Variants in ATP13A2 observed in about 807,000 individuals in gnomAD.
ATP13A2 encodes polyamine-transporting ATPase 13A2.
Under a neutral mutation model 138.3 loss-of-function variants are expected in ATP13A2, and 83 were observed. The ratio of observed to expected loss-of-function variants is 0.60; its 90% CI spans 0.50 to 0.72. The LOEUF (loss-of-function observed/expected upper bound fraction) is 0.72, where lower values mean the gene tolerates loss of function less well. Among genes scored for constraint, ATP13A2 ranks in the 30% least tolerant of loss-of-function variants. The pLI, the probability that ATP13A2 is intolerant of heterozygous loss-of-function variation, is 0.00. For missense variants in ATP13A2, 1,402 were observed against 1,606.4 expected, an observed-to-expected ratio of 0.87 and a Z score of 2.17; for synonymous variants, 663 against 699.0, an observed-to-expected ratio of 0.95 and a Z score of 0.81.
At chr1:17,005,147 C>A (rs903067981) in intron 3 of ATP13A2, 75 bp from the exon 4 acceptor site, 1 of 1,592,458 alleles carries the variant, frequency 6.3e-7, no homozygotes, top group South Asian at 1.1e-5. Flanking sequence ...AGCCAGGCGG[C>A]CCCTGCTGGA....
chr1:17,002,090 C>A lies in ATP13A2; in HGVS notation c.649G>T (p.Gly217Cys). The A allele has an allele frequency of 6.2e-7, 1 of 1,613,700 alleles. No homozygotes were observed. Among genetic ancestry groups the A allele is most frequent in the Non-Finnish European group, 8.5e-7 (1 of 1,179,834 alleles). Reference protein sequence around the residue: ...QDQMVRKAIYGPNVISIPVKS... With the variant: ...QDQMVRKAIYCPNVISIPVKS... ...ACCGGTATGCTGATCACGTTGGGGC[C>A]GTAAATGGCCTTCCTGGAAGAGGGG... Residue 217 changes from glycine (G) to cysteine (C), a missense_variant, in exon 8 of 29, where the codon GGC (glycine) becomes TGC (cysteine). Gly to Cys is a radical substitution (Grantham distance 159, BLOSUM62 -3). Transcript: ENST00000326735.
intron 25 of ATP13A2, among the ~76,000 whole-genome samples, 184 bp from the exon 26 acceptor site, chr1:16,987,453 C>T (rs377436255): frequency 6.6e-6 from 1 of 152,208 alleles, no homozygotes; most frequent in African/African-American, 2.4e-5. Context: ...GTGAGACAAA[C>T]CCCTGGTCTG....
rs1256349716 is a variant in ATP13A2, at chr1:16,995,979, G to T, written c.1539C>A (p.Asp513Glu). Residue 513 changes from aspartate (D) to glutamate (E), a missense_variant, in exon 15 of 29, where the codon GAC becomes GAA. Coordinates refer to ENST00000326735, the MANE Select transcript of ATP13A2 (RefSeq NM_022089.4). This position sits in a 1 kb window ranked among gnomAD's most constrained non-coding sequence, Gnocchi z 4.1. The stretch of plus-strand genomic sequence containing the variant: ...CCAACCCCACCTGCGGCCCCACCTT[G>T]TCGAAACACACCAGCTGCAGCTTGC... ...LGGKLQLVCF[D>E]KTGTLTEDGL... 1 of 1,613,854 alleles carries T rather than the reference G, an allele frequency of 6.2e-7. No individual in the cohort carries two copies. The highest frequency in any genetic ancestry group is 8.5e-7 in the Non-Finnish European group (1 of 1,180,038).
rs373511503 is a variant in ATP13A2 at position 16,987,144 on chromosome 1, C to A, written c.2985G>T (p.Ala995=). The A allele has an allele frequency of 6.2e-7, 1 of 1,612,882 alleles. No individual in the cohort carries two copies. Among genetic ancestry groups the A allele is most frequent in the East Asian group, 2.2e-5 (1 of 44,876 alleles). ...LVLGRVRPPG[A]LLSVPVLSSL... is the part of the protein sequence containing the mutation. Reference sequence around the variant, plus strand: ...TGCTGAGCACGGGCACGCTGAGCAGCGCCCCCGGTGGCCGCACCCGTCCCA... The same window carrying A: ...TGCTGAGCACGGGCACGCTGAGCAGAGCCCCCGGTGGCCGCACCCGTCCCA... The change falls in exon 26 of 29, where the codon GCG becomes GCT. Residue 995 remains alanine (A), a synonymous_variant. Coordinates refer to ENST00000326735, the MANE Select transcript of ATP13A2 (RefSeq NM_022089.4).
At position 16,987,190 on chromosome 1, in the gene ATP13A2, C is replaced by A. The variant is rs150748722; in HGVS notation, c.2939G>T (p.Arg980Leu). 5 of 1,613,724 alleles carry A rather than the reference C, an allele frequency of 3.1e-6. No individual in the cohort carries two copies. Among genetic ancestry groups the A allele is most frequent in the Non-Finnish European group, 4.2e-6 (5 of 1,179,840 alleles). ...TCCCAGGACCAGCGCTGGCCCCGTG[C>A]GGCTCATGAGCACTGCCACTGTGGT... Reference protein sequence around the residue: ...ITTTVAVLMSRTGPALVLGRV... With the variant: ...ITTTVAVLMSLTGPALVLGRV... Residue 980 changes from arginine (R) to leucine (L), a missense_variant, in exon 26 of 29, where the codon CGC (arginine) becomes CTC (leucine). By Grantham distance (102) the Arg-to-Leu change is moderately radical. Transcript: ENST00000326735.
At chr1:16,997,414 C>CGGGGGGGGGGGGGGGGG (rs1379881479) in intron 11 of ATP13A2, among the ~76,000 whole-genome samples, 1 of 56,630 alleles carries the variant, frequency 1.8e-5, no homozygotes, top group Admixed American at 1.9e-4. Flanking sequence ...CTGGAACCAG[C>CGGGGGGGGGGGGGGGGG]GGGGGGGGGT....
intron 11 of ATP13A2, among the ~76,000 whole-genome samples, chr1:16,998,059 C>T (rs2077209214): frequency 6.6e-6 from 1 of 152,160 alleles, no homozygotes; most frequent in Non-Finnish European, 1.5e-5. Flanking sequence ...CTATTGAGCA[C>T]CTACTGTGTG....
intron 1 of ATP13A2, among the ~76,000 whole-genome samples, chr1:17,009,815 C>T (rs2077713163): frequency 6.6e-6 from 1 of 152,176 alleles, no homozygotes; most frequent in Non-Finnish European, 1.5e-5. Flanking sequence ...TTCACAATGA[C>T]ACTCTCTCAG....
rs769086688 is a variant in ATP13A2, at chr1:16,986,391, C to T, written c.3406-33G>A. The T allele has an allele frequency of 1.4e-5, 23 of 1,593,076 alleles. No homozygotes were observed. Among genetic ancestry groups the T allele is most frequent in the East Asian group, 1.4e-4 (6 of 43,762 alleles). On this transcript the variant is annotated intron_variant, in intron 28 of 28. Transcript: ENST00000326735. The surrounding 1 kb of genome is among the most constrained non-coding windows in gnomAD (Gnocchi z 6.9). ...GGGCAGGGAGGGTGTCAGGGGCAGCCGGGGCTGAGCTGGGGTCAATGCACC... is the reference window on the plus strand; with the variant it reads ...GGGCAGGGAGGGTGTCAGGGGCAGCTGGGGCTGAGCTGGGGTCAATGCACC...
intron 25 of ATP13A2, 97 bp downstream of exon 25, chr1:16,988,041 G>T: frequency 8.9e-7 from 1 of 1,122,542 alleles, no homozygotes; most frequent in Non-Finnish European, 1.3e-6. Context: ...CTGGGCCCAC[G>T]TCATCTATTC....
intron 1 of ATP13A2, among the ~76,000 whole-genome samples, chr1:17,008,921 G>T (rs375659781): frequency 6.9e-6 from 1 of 145,488 alleles, no homozygotes; most frequent in Non-Finnish European, 1.5e-5. Context: ...CTGAGATCAC[G>T]CCACTGCACT....
chr1:17,009,188 A>T (rs2077682646), intron 1 of ATP13A2, among the ~76,000 whole-genome samples: 2 of 152,074 alleles, frequency 1.3e-5, no homozygotes, highest in Non-Finnish European at 2.9e-5. Flanking sequence ...TGCCCAGCAC[A>T]TCTACTCCTG....
intron 1 of ATP13A2, among the ~76,000 whole-genome samples, chr1:17,006,843 A>C (rs1215151166): frequency 6.6e-6 from 1 of 152,190 alleles, no homozygotes; most frequent in Non-Finnish European, 1.5e-5. Context: ...CTATCTTTAC[A>C]GATGGGTAAA....
At position 17,004,821 on chromosome 1, in the gene ATP13A2, G is replaced by C. The variant is rs2077491125; in HGVS notation, c.348C>G (p.Ser116Arg). 5 of 1,613,706 alleles carry C rather than the reference G, an allele frequency of 3.1e-6. No homozygotes were observed. Among genetic ancestry groups the C allele is most frequent in the Non-Finnish European group, 4.2e-6 (5 of 1,179,882 alleles). ...QVQTEAIGEG[S>R]LEPSPQSQAE... ...CCTGGGACTGTGGGGACGGCTCCAG[G>C]CTGGGGAAGCAGGTGAGGGTTACTC... Residue 116 changes from serine (S) to arginine (R), a missense_variant and splice_region_variant, in exon 5 of 29, where the codon AGC becomes AGG. Transcript: ENST00000326735. This position sits in a 1 kb window ranked among gnomAD's most constrained non-coding sequence, Gnocchi z 4.1.
At chr1:16,989,294 C>T (rs201819992) in intron 23 of ATP13A2, among the ~76,000 whole-genome samples, 5 of 152,208 alleles carry the variant, frequency 3.3e-5, no homozygotes, top group Non-Finnish European at 7.3e-5. Flanking sequence ...TCACTGCAGC[C>T]GCAGCCTCCC....
At position 17,004,660 on chromosome 1, in the gene ATP13A2, G is replaced by A. The variant is rs148532186; in HGVS notation, c.477+32C>T. On this transcript the variant is annotated intron_variant, in intron 5 of 28. Transcript: ENST00000326735. This position sits in a 1 kb window ranked among gnomAD's most constrained non-coding sequence, Gnocchi z 4.1. ...TTGCACAGATCATGAAACCGAGGCC[G>A]AGAGAGGGGCAAGGACTTTTTCAGA... 492 of 1,613,942 alleles carry A rather than the reference G, an allele frequency of 3.0e-4. 1 individual carries two copies. The African/African-American group carries it at 5.5e-3, about 18-fold the overall frequency.
intron 11 of ATP13A2, among the ~76,000 whole-genome samples, chr1:16,997,878 G>C (rs1205534086): frequency 8.0e-5 from 12 of 149,552 alleles, no homozygotes; most frequent in Admixed American, 2.0e-4. Flanking sequence ...GGTAAGGAAG[G>C]GGAGGGGGAA....
At chr1:17,008,299 GC>G (rs2077641829) in intron 1 of ATP13A2, among the ~76,000 whole-genome samples, 1 of 152,158 alleles carries the variant, frequency 6.6e-6, no homozygotes, top group South Asian at 2.1e-4. Flanking sequence ...AGGCCACCAT[GC>G]CCAGCTAATT....
chr1:17,005,165 GA>G, intron 3 of ATP13A2, 93 bp from the exon 4 acceptor site: 1 of 1,566,996 alleles, frequency 6.4e-7, no homozygotes, highest in Non-Finnish European at 8.8e-7. Context: ...GGAGAAGGCA[GA>G]AATCAAGGCT....
Sources: gnomAD v4.1 joint callset for allele counts (sites outside exome capture counted in the v4.1 genomes callset) on GRCh38, gnomAD v4.1.1 for gene constraint, Gnocchi (gnomAD v3.1) non-coding constraint, MANE v1.5 for transcripts, NCBI Gene and HGNC (gene_info 2026-07-23, HGNC 2026-07-21) for gene names.